Variants in ARHGEF28 observed in about 807,000 individuals in gnomAD.
The protein encoded by ARHGEF28 is 190 kDa guanine nucleotide exchange factor.
A neutral mutation model predicts 206.6 loss-of-function variants in ARHGEF28; 152 were observed. The observed-to-expected ratio is 0.74, with a 90% CI of 0.64 to 0.84. The LOEUF (loss-of-function observed/expected upper bound fraction) is 0.84, where lower values mean the gene tolerates loss of function less well. Ranked by LOEUF, ARHGEF28 falls within the 40% of genes least tolerant of loss-of-function variation. The pLI is 0.00. For synonymous variants in ARHGEF28, 763 were observed against 776.4 expected (o/e 0.98, Z 0.29); for missense variants, 2,028 against 2,073.2 (o/e 0.98, Z 0.42).
intron 1 of ARHGEF28, among the ~76,000 whole-genome samples, chr5:73,642,147 T>C (rs1248777559): frequency 1.3e-5 from 2 of 152,184 alleles, no homozygotes; most frequent in Admixed American, 6.5e-5. Flanking sequence ...GAGGTTATGT[T>C]CCACTCAATC....
chr5:73,909,347 C>A, intron 33 of ARHGEF28, 65 bp from the exon 34 acceptor site: 1 of 1,515,286 alleles, frequency 6.6e-7, no homozygotes. Flanking sequence ...TAGTTCCAAC[C>A]GAAAGGGTAA....
intron 21 of ARHGEF28, among the ~76,000 whole-genome samples, chr5:73,872,331 T>G (rs1561473825): frequency 2.6e-5 from 4 of 152,146 alleles, no homozygotes; most frequent in Non-Finnish European, 5.9e-5. Context: ...TTGAATTGGT[T>G]ATTTATTTAT....
intron 4 of ARHGEF28, among the ~76,000 whole-genome samples, chr5:73,771,327 G>C (rs1035224125): frequency 6.6e-6 from 1 of 152,164 alleles, no homozygotes; most frequent in African/African-American, 2.4e-5. Context: ...TGGATCACCT[G>C]AGGTCAGGAG....
chr5:73,920,411 T>C (rs1763451900), intron 35 of ARHGEF28, among the ~76,000 whole-genome samples: 1 of 151,700 alleles, frequency 6.6e-6, no homozygotes, highest in South Asian at 2.1e-4. Context: ...ATAGGTACTT[T>C]TTGTTCAGTT....
At chr5:73,722,656 C>T (rs767621606) in intron 2 of ARHGEF28, among the ~76,000 whole-genome samples, 19 of 152,174 alleles carry the variant, frequency 1.2e-4, no homozygotes, top group Non-Finnish European at 1.8e-4. Flanking sequence ...CTTCAAAGTA[C>T]GACTCCTATG....
At chr5:73,827,368 C>A (rs948731328) in intron 9 of ARHGEF28, among the ~76,000 whole-genome samples, 1 of 152,134 alleles carries the variant, frequency 6.6e-6, no homozygotes, top group Non-Finnish European at 1.5e-5. Flanking sequence ...AGAATCAGAA[C>A]TAAAATTATG....
chr5:73,868,259 G>A (rs1474086344), intron 20 of ARHGEF28, 32 bp downstream of exon 20: 1 of 1,528,608 alleles, frequency 6.5e-7, no homozygotes, highest in Non-Finnish European at 8.8e-7. Context: ...ATTTATTTGT[G>A]TTTTTGTTAG....
intron 33 of ARHGEF28, among the ~76,000 whole-genome samples, chr5:73,907,475 T>C (rs1217563477): frequency 6.6e-6 from 1 of 152,260 alleles, no homozygotes; most frequent in African/African-American, 2.4e-5. Flanking sequence ...TTTCTGTTCA[T>C]GGCACAGTCG....
intron 9 of ARHGEF28, among the ~76,000 whole-genome samples, chr5:73,820,776 G>A (rs998350995): frequency 1.3e-5 from 2 of 152,134 alleles, no homozygotes; most frequent in Non-Finnish European, 2.9e-5. Context: ...CTTCTCAGAG[G>A]GCTTCGGGAT....
intron 1 of ARHGEF28, among the ~76,000 whole-genome samples, chr5:73,681,057 T>C (rs1303856788): frequency 1.3e-5 from 2 of 150,282 alleles, no homozygotes; most frequent in African/African-American, 4.9e-5. Context: ...CAGCTATTTT[T>C]TTTTAGCTTC....
At chr5:73,672,505 G>A (rs933988917) in intron 1 of ARHGEF28, among the ~76,000 whole-genome samples, 4 of 152,186 alleles carry the variant, frequency 2.6e-5, no homozygotes, top group African/African-American at 9.6e-5. Context: ...CAATGATACA[G>A]TCAGCATTCT....
intron 2 of ARHGEF28, among the ~76,000 whole-genome samples, chr5:73,742,767 T>C (rs943487534): frequency 2.1e-5 from 3 of 141,080 alleles, no homozygotes; most frequent in Non-Finnish European, 4.5e-5. Context: ...GAGCTTGCAG[T>C]GAGCCGAGAT....
chr5:73,626,766 G>GCT (rs1743038078), intron 1 of ARHGEF28, among the ~76,000 whole-genome samples: 1 of 152,220 alleles, frequency 6.6e-6, no homozygotes, highest in African/African-American at 2.4e-5. Context: ...ACCGCAGAAT[G>GCT]CAGACGGAAC....
rs1373365561 is a variant in ARHGEF28 at position 73,766,160 on chromosome 5, A to AC, written c.476-7695_476-7694insC. On this transcript the variant is annotated intron_variant, in intron 4 of 35. Coordinates refer to ENST00000513042, the MANE Select transcript of ARHGEF28 (RefSeq NM_001177693.2). The stretch of plus-strand genomic sequence containing the variant: ...AAGAGCAGGACTCCATCTCAAAAAA[A>AC]AAAAAACAAAAAACAAAAAACAAAA... 9.3e-3 allele frequency among the ~76,000 whole-genome samples: 1,418 copies of AC among 151,792 alleles called. 29 individuals are homozygous for AC. The highest frequency in any genetic ancestry group is 0.032 in the African/African-American group (1,345 of 41,392).
rs756488863 is a variant in ARHGEF28, at chr5:73,864,797, A to G, written c.2048-20A>G. On this transcript the variant is annotated intron_variant, in intron 16 of 35. Transcript: ENST00000513042. ...AATTAAGTAAGATGGATGCTTTTGT[A>G]TCTTTTCCCTTTATTTCAGACTGTA... The G allele has an allele frequency of 5.0e-6, 8 of 1,608,716 alleles. No homozygotes were observed. The highest frequency in any genetic ancestry group is 2.2e-5 in the East Asian group (1 of 44,788).
At chr5:73,815,115 T>C (rs1309486958) in intron 9 of ARHGEF28, among the ~76,000 whole-genome samples, 1 of 152,118 alleles carries the variant, frequency 6.6e-6, no homozygotes, top group Non-Finnish European at 1.5e-5. Flanking sequence ...CACGAAAGCC[T>C]GTGTATCTTT....
At chr5:73,906,804 T>C (rs780712943) in intron 33 of ARHGEF28, among the ~76,000 whole-genome samples, 17 of 152,162 alleles carry the variant, frequency 1.1e-4, no homozygotes, top group Non-Finnish European at 2.5e-4. Flanking sequence ...TCATTTTGTG[T>C]CCCCAGTGGT....
chr5:73,892,176 A>G lies in ARHGEF28; in HGVS notation c.3512A>G (p.Asn1171Ser), dbSNP rs375156744. 8.9e-6 allele frequency: 14 copies of G among 1,579,572 alleles called. No individual in the cohort carries two copies. Among genetic ancestry groups the G allele is most frequent in the African/African-American group, 2.7e-5 (2 of 74,382 alleles). The part of the protein sequence containing the change: ...AGPEMYEIHT[N>S]SKEERNNWMR... Reference sequence around the variant, plus strand: ...CCTGAGATGTATGAAATTCACACCAATTCCAAGGAGGAACGCAATAACTGG... The same window carrying G: ...CCTGAGATGTATGAAATTCACACCAGTTCCAAGGAGGAACGCAATAACTGG... The change falls in exon 27 of 36, where the codon AAT becomes AGT. Residue 1171 changes from asparagine to serine, a missense_variant. Around this residue, in one of 3 missense-constraint regions of ARHGEF28, gnomAD observed 803 missense variants for 768.0 expected, o/e 1.05. Transcript: ENST00000513042.
chr5:73,930,267 T>C lies in ARHGEF28; in HGVS notation c.4949-10577T>C, dbSNP rs189139285. 2.0e-5 allele frequency among the ~76,000 whole-genome samples: 3 copies of C among 152,336 alleles called. No homozygotes were observed. The East Asian group carries it at 5.8e-4, about 29-fold the overall frequency. On this transcript the variant is annotated intron_variant, in intron 35 of 35. Coordinates refer to ENST00000513042, the MANE Select transcript of ARHGEF28 (RefSeq NM_001177693.2). ...CCCAGATCTTACCCAGCTCATAGCA[T>C]TGTTAGGCTTCTAAAATTTGCCCAT... is the stretch of plus-strand genomic sequence containing the variant.
Sources: allele counts gnomAD v4.1 joint callset (sites outside exome capture counted in the v4.1 genomes callset), GRCh38; gene constraint gnomAD v4.1.1; regional missense constraint gnomAD v4.1.1; transcripts MANE v1.5; gene names NCBI Gene and HGNC (gene_info 2026-07-23, HGNC 2026-07-21).